Variants in ABCA13 observed in about 807,000 individuals in gnomAD.
ABCA13 encodes ATP-binding cassette sub-family A member 13.
A neutral mutation model predicts 478.7 loss-of-function variants in ABCA13; 476 were observed. The ratio of observed to expected loss-of-function variants is 0.99; its 90% confidence interval spans 0.92 to 1.07. ABCA13 has a LOEUF of 1.07. ABCA13 is among the 50% of genes least tolerant of loss of function. The pLI is 0.00. For missense variants in ABCA13, 6,060 were observed against 5,910.6 expected, an observed-to-expected ratio of 1.03 and a Z score of -0.83; for synonymous variants, 2,252 against 2,158.9, an observed-to-expected ratio of 1.04 and a Z score of -1.20.
Position 48,274,443 on chromosome 7 carries a change from G to A in ABCA13, c.4777G>A (p.Val1593Ile), listed in dbSNP as rs1292976344. Residue 1593 changes from valine to isoleucine, a missense_variant, in exon 17 of 62, where the codon GTA becomes ATA. Val to Ile is a conservative substitution (Grantham distance 29). This residue lies in a region of ABCA13 where 4,423 missense variants were observed against 4,309.1 expected (regional missense o/e 1.03). Transcript: ENST00000435803. ...TCCAAAAGAAAAGGATGTAAACAGT[G>A]TAGGCAATTCCATTTATCACTTAGC... is the stretch of plus-strand genomic sequence containing the variant. ...TSPKEKDVNS[V>I]GNSIYHLASY... is the part of the protein sequence containing the mutation. The A allele has an allele frequency of 3.1e-6, 5 of 1,613,802 alleles. No homozygotes were observed. The highest frequency in any genetic ancestry group is 4.2e-6 in the Non-Finnish European group (5 of 1,179,810).
At chr7:48,634,843 T>C (rs539513015) in intron 59 of ABCA13, among the ~76,000 whole-genome samples, 2 of 152,310 alleles carry the variant, frequency 1.3e-5, no homozygotes, top group African/African-American at 4.8e-5. Context: ...TTTTCATTCA[T>C]CTCAAAGTAT....
intron 43 of ABCA13, among the ~76,000 whole-genome samples, chr7:48,462,443 T>TCCC (rs547024143): frequency 7.1e-4 from 105 of 148,382 alleles, no homozygotes; most frequent in African/African-American, 1.5e-3. Context: ...AGTAAAGGAT[T>TCCC]CCCCCCCCCC....
At position 48,598,150 on chromosome 7, in the gene ABCA13, C is replaced by T. The variant is rs189209709; in HGVS notation, c.14744+3337C>T. Among the ~76,000 whole-genome samples, 211 of 152,288 alleles carry T rather than the reference C, an allele frequency of 1.4e-3. 2 individuals carry two copies. Among genetic ancestry groups the T allele is most frequent in the African/African-American group, 4.8e-3 (201 of 41,570 alleles). ...TAACCACTCATCTTTTTACTGTCTC[C>T]ATAGTTTTACCTTTTCCACAATGCC... is the stretch of plus-strand genomic sequence containing the variant. On this transcript the variant is annotated intron_variant, in intron 58 of 61. Coordinates refer to ENST00000435803, the MANE Select transcript of ABCA13 (RefSeq NM_152701.5).
chr7:48,447,134 A>G (rs926509308), intron 42 of ABCA13, among the ~76,000 whole-genome samples: 2 of 152,226 alleles, frequency 1.3e-5, no homozygotes, highest in Non-Finnish European at 2.9e-5. Context: ...GATATTTAAC[A>G]AAAGATGAGA....
chr7:48,274,029 C>T lies in ABCA13; in HGVS notation c.4363C>T (p.His1455Tyr), dbSNP rs2128754030. Reference sequence around the variant, plus strand: ...ACCTCTTTGTTCATCAAATGGCTCACATATAAATTGTGTCAATATTTACTT... The same window carrying T: ...ACCTCTTTGTTCATCAAATGGCTCATATATAAATTGTGTCAATATTTACTT... The part of the protein sequence containing the change: ...KKPLCSSNGS[H>Y]INCVNIYLKD... Residue 1455 changes from histidine to tyrosine, a missense_variant, in exon 17 of 62, where the codon CAT becomes TAT. By Grantham distance (83) the His-to-Tyr change is moderately conservative. Transcript: ENST00000435803. 1 of 1,605,584 alleles carries T rather than the reference C, an allele frequency of 6.2e-7. No homozygotes were observed. The highest frequency in any genetic ancestry group is 8.5e-7 in the Non-Finnish European group (1 of 1,173,628).
intron 10 of ABCA13, among the ~76,000 whole-genome samples, chr7:48,242,726 A>C (rs954675949): frequency 6.6e-6 from 1 of 152,206 alleles, no homozygotes; most frequent in Non-Finnish European, 1.5e-5. Flanking sequence ...GGCGTGAGCC[A>C]CCGCAGCTGG....
At chr7:48,236,552 G>C (rs1290426459) in intron 8 of ABCA13, among the ~76,000 whole-genome samples, 1 of 152,136 alleles carries the variant, frequency 6.6e-6, no homozygotes, top group African/African-American at 2.4e-5. Flanking sequence ...CATTCCTTGG[G>C]TCTGAGCCTC....
chr7:48,372,670 C>A (rs1812841124), intron 33 of ABCA13, among the ~76,000 whole-genome samples, 173 bp downstream of exon 33: 1 of 152,144 alleles, frequency 6.6e-6, no homozygotes, highest in African/African-American at 2.4e-5. Context: ...GTTGAAACTG[C>A]AGGGTTTTTG....
chr7:48,262,125 A>G (rs1447140102), intron 15 of ABCA13, among the ~76,000 whole-genome samples: 1 of 151,994 alleles, frequency 6.6e-6, no homozygotes, highest in Non-Finnish European at 1.5e-5. Flanking sequence ...GGTGATGAAA[A>G]TATCATTGTT....
chr7:48,186,476 T>C (rs927407406), intron 1 of ABCA13, among the ~76,000 whole-genome samples: 1 of 152,116 alleles, frequency 6.6e-6, no homozygotes, highest in Non-Finnish European at 1.5e-5. Context: ...TTTTACTTAG[T>C]TGTGTTGAAG....
Position 48,646,811 on chromosome 7 carries a change from G to A in ABCA13, c.*1299G>A, listed in dbSNP as rs1795465756. On this transcript the variant is annotated 3_prime_UTR_variant, in exon 62 of 62. Coordinates refer to ENST00000435803, the MANE Select transcript of ABCA13 (RefSeq NM_152701.5). ...TGGGATTACAGGCGTGAGCCACCGTGTCCGGCCGTAGTTTATTTTAAAATA... is the reference window on the plus strand; with the variant it reads ...TGGGATTACAGGCGTGAGCCACCGTATCCGGCCGTAGTTTATTTTAAAATA... The A allele has an allele frequency of 2.0e-5, 3 of 152,138 alleles. No homozygotes were observed. Among genetic ancestry groups the A allele is most frequent in the African/African-American group, 7.2e-5 (3 of 41,418 alleles). 9.4% of individuals were successfully genotyped at this position (152,138 alleles called of 1,614,324 possible). A position where few individuals can be genotyped will look rare whatever the true frequency, so the allele number is the denominator to read the frequency against.
intron 39 of ABCA13, among the ~76,000 whole-genome samples, chr7:48,406,655 TTGAACTCA>T (rs1300920607): frequency 1.3e-5 from 2 of 152,068 alleles, no homozygotes; most frequent in Non-Finnish European, 2.9e-5. Flanking sequence ...GGTGGATCAC[TTGAACTCA>T]GGAGTTCGAG....
intron 55 of ABCA13, among the ~76,000 whole-genome samples, chr7:48,564,953 T>G (rs1786877418): frequency 6.6e-6 from 1 of 152,094 alleles, no homozygotes; most frequent in South Asian, 2.1e-4. Context: ...TTAGATTTGG[T>G]AAAGGAGTTC....
chr7:48,451,994 G>A (rs1026172103), intron 42 of ABCA13, among the ~76,000 whole-genome samples: 6 of 152,136 alleles, frequency 3.9e-5, no homozygotes, highest in African/African-American at 1.2e-4. Context: ...TTATTCATGC[G>A]AATACTTTCA....
intron 29 of ABCA13, among the ~76,000 whole-genome samples, chr7:48,342,778 T>C (rs1177907651): frequency 6.6e-6 from 1 of 152,172 alleles, no homozygotes; most frequent in African/African-American, 2.4e-5. Flanking sequence ...ATTTTCTCTT[T>C]ATACTTCAGT....
intron 15 of ABCA13, among the ~76,000 whole-genome samples, chr7:48,250,635 T>A (rs1792408067): frequency 6.6e-6 from 1 of 152,206 alleles, no homozygotes; most frequent in East Asian, 1.9e-4. Flanking sequence ...TCTTTCCTTA[T>A]CAGCTTCATA....
rs574093736 is a variant in ABCA13 at position 48,209,238 on chromosome 7, G to C, written c.288-10116G>C. Among the ~76,000 whole-genome samples, 3 of 152,124 alleles carry C rather than the reference G, an allele frequency of 2.0e-5. No individual in the cohort carries two copies. In the South Asian group the frequency reaches 6.2e-4, roughly 32 times the overall value. ...AATGTAATATTAAATTCAGTTAAAT[G>C]TAATATTAAATTCAGTTTTGTTGGT... On this transcript the variant is annotated intron_variant, in intron 3 of 61. Transcript: ENST00000435803.
chr7:48,471,477 C>A (rs1563312588), intron 44 of ABCA13, 53 bp from the exon 45 acceptor site: 18 of 1,461,502 alleles, frequency 1.2e-5, no homozygotes, highest in Non-Finnish European at 1.4e-5. Context: ...TATGGAAATA[C>A]AATGGCTTTG....
chr7:48,184,771 G>C (rs1370904023), intron 1 of ABCA13, among the ~76,000 whole-genome samples: 1 of 152,170 alleles, frequency 6.6e-6, no homozygotes, highest in Admixed American at 6.5e-5. Context: ...GGTGAGCTGA[G>C]ATTGCACCAC....
Sources: gnomAD v4.1 joint callset for allele counts (sites outside exome capture counted in the v4.1 genomes callset) on GRCh38, gnomAD v4.1.1 for gene constraint, gnomAD v4.1.1 regional missense constraint, MANE v1.5 for transcripts, NCBI Gene and HGNC (gene_info 2026-07-23, HGNC 2026-07-21) for gene names.